CC2D2A: variants seen among roughly 807,000 people sequenced by gnomAD.
CC2D2A encodes the protein coiled-coil and C2 domain-containing protein 2A.
CC2D2A carries 155 observed loss-of-function variants against 212.9 expected under a neutral mutation model. That is an observed-to-expected ratio of 0.73 (90% CI 0.64 to 0.83). The LOEUF (loss-of-function observed/expected upper bound fraction) is 0.83. Ranked by LOEUF, CC2D2A falls within the 40% of genes least tolerant of loss-of-function variation. The pLI is 0.00. For missense variants in CC2D2A, 1,856 were observed against 1,956.2 expected, an observed-to-expected ratio of 0.95 and a Z score of 0.97; for synonymous variants, 667 against 686.5, an observed-to-expected ratio of 0.97 and a Z score of 0.44.
At chr4:15,534,761 G>GA (rs540788648) in intron 14 of CC2D2A, among the ~76,000 whole-genome samples, 8 of 150,060 alleles carry the variant, frequency 5.3e-5, no homozygotes, top group South Asian at 2.1e-4. Flanking sequence ...AAAATTGAAA[G>GA]AAAAAAAAAG....
intron 32 of CC2D2A, among the ~76,000 whole-genome samples, chr4:15,589,084 TACATA>T (rs1720976682): frequency 6.6e-6 from 1 of 151,942 alleles, no homozygotes; most frequent in Admixed American, 6.5e-5. Context: ...AACTGTTTGG[TACATA>T]TCCTTCCAAA....
intron 8 of CC2D2A, among the ~76,000 whole-genome samples, chr4:15,514,095 T>C (rs1193499361): frequency 1.3e-5 from 2 of 152,242 alleles, no homozygotes; most frequent in African/African-American, 4.8e-5. Context: ...CATTTGTGAT[T>C]ATAGCCTCTT....
At position 15,514,720 on chromosome 4, in the gene CC2D2A, T is replaced by G. The variant is rs974146803; in HGVS notation, c.731T>G (p.Leu244Arg). 9 of 1,548,566 alleles carry G rather than the reference T, an allele frequency of 5.8e-6. No individual in the cohort carries two copies. The East Asian group carries it at 2.1e-4, about 36-fold the overall frequency. The change falls in exon 9 of 37, where the codon CTG becomes CGG. Residue 244 changes from leucine to arginine, a missense_variant. Transcript: ENST00000424120. Reference protein sequence around the residue: ...GGGKEMDEEELLNGDDAEDFL... With the variant: ...GGGKEMDEEERLNGDDAEDFL... ...AACATTATGCAGGATGAGGAAGAAC[T>G]GCTTAATGGTGATGATGCCGAGGAC...
chr4:15,473,601 G>A (rs1470963951), intron 1 of CC2D2A, among the ~76,000 whole-genome samples: 1 of 152,164 alleles, frequency 6.6e-6, no homozygotes, highest in Admixed American at 6.5e-5. Context: ...GAAGCAATGT[G>A]ATTATGTCAC....
Position 15,489,364 on chromosome 4 carries a change from G to A in CC2D2A, c.247+8537G>A, listed in dbSNP as rs956907576. On this transcript the variant is annotated intron_variant, in intron 4 of 36. Transcript: ENST00000424120. ...GGGTTACCTTAGTGCCCACCAGCTGGAGAATGGGATGAACATTCTAGTCCA... is the reference window on the plus strand; with the variant it reads ...GGGTTACCTTAGTGCCCACCAGCTGAAGAATGGGATGAACATTCTAGTCCA... Among the ~76,000 whole-genome samples, 5 of 152,236 alleles carry A rather than the reference G, an allele frequency of 3.3e-5. No homozygotes were observed. In the East Asian group the frequency reaches 9.6e-4, roughly 29 times the overall value.
At chr4:15,547,599 AG>A (rs1177594946) in intron 17 of CC2D2A, among the ~76,000 whole-genome samples, 6 of 152,226 alleles carry the variant, frequency 3.9e-5, no homozygotes, top group Non-Finnish European at 8.8e-5. Context: ...ACCACAACAA[AG>A]AATTACTTGG....
intron 2 of CC2D2A, among the ~76,000 whole-genome samples, chr4:15,477,130 C>T (rs577301492): frequency 6.6e-6 from 1 of 152,122 alleles, no homozygotes; most frequent in South Asian, 2.1e-4. Flanking sequence ...TGGAGAAACC[C>T]CATCTCTACT....
intron 11 of CC2D2A, among the ~76,000 whole-genome samples, chr4:15,526,887 T>C (rs1266346557): frequency 6.6e-6 from 1 of 152,166 alleles, no homozygotes; most frequent in Non-Finnish European, 1.5e-5. Flanking sequence ...CACACTTGGC[T>C]CAGCTGCACA....
At chr4:15,593,006 C>T (rs1209399188) in intron 33 of CC2D2A, among the ~76,000 whole-genome samples, 1 of 152,202 alleles carries the variant, frequency 6.6e-6, no homozygotes, top group Non-Finnish European at 1.5e-5. Flanking sequence ...CATACAGATG[C>T]TATCTCTGCT....
intron 8 of CC2D2A, among the ~76,000 whole-genome samples, chr4:15,511,903 G>A (rs1716588683): frequency 6.6e-6 from 1 of 152,070 alleles, no homozygotes; most frequent in African/African-American, 2.4e-5. Flanking sequence ...TTTAAAAATG[G>A]GCAAAGGTAT....
rs753631903 is a variant in CC2D2A at position 15,469,891 on chromosome 4, T to A, written c.-185T>A. The A allele has an allele frequency of 6.6e-6, 1 of 151,158 alleles. No homozygotes were observed. Among genetic ancestry groups the A allele is most frequent in the Non-Finnish European group, 1.5e-5 (1 of 67,922 alleles). 9.4% of individuals were successfully genotyped at this position (151,158 alleles called of 1,614,324 possible). On this transcript the variant is annotated 5_prime_UTR_variant, in exon 1 of 37. Coordinates refer to ENST00000424120, the MANE Select transcript of CC2D2A (RefSeq NM_001378615.1). ...TTAGGAACGGGTTGCTAAGCTGGTG[T>A]TTTTGCTCCAAGACATGGCTGCAGC...
chr4:15,547,613 T>C (rs900503676), intron 17 of CC2D2A, among the ~76,000 whole-genome samples: 1 of 152,214 alleles, frequency 6.6e-6, no homozygotes, highest in African/African-American at 2.4e-5. Context: ...TTACTTGGCC[T>C]GAGAACCCTC....
Position 15,479,090 on chromosome 4 carries a change from T to C in CC2D2A, c.123+284T>C, listed in dbSNP as rs529766543. Reference sequence around the variant, plus strand: ...TCCTGAGAGAGGACTCTAGAAAAGATGGAAGGAGCCTGTTTTAGTGCTTCA... The same window carrying C: ...TCCTGAGAGAGGACTCTAGAAAAGACGGAAGGAGCCTGTTTTAGTGCTTCA... On this transcript the variant is annotated intron_variant, in intron 3 of 36. Coordinates refer to ENST00000424120, the MANE Select transcript of CC2D2A (RefSeq NM_001378615.1). 20 of 738,430 alleles carry C rather than the reference T, an allele frequency of 2.7e-5. No homozygotes were observed. The Admixed American group carries it at 3.9e-4, about 14-fold the overall frequency. The allele number at this position is 738,430 out of a possible 1,614,324, so 45.7% of individuals were successfully genotyped here. A position where few individuals can be genotyped will look rare whatever the true frequency, so the allele number is the denominator to read the frequency against.
intron 16 of CC2D2A, 77 bp downstream of exon 16, chr4:15,538,214 C>T: frequency 2.1e-6 from 3 of 1,408,624 alleles, no homozygotes; most frequent in Non-Finnish European, 9.5e-7. Context: ...CACACACATG[C>T]ACGACATGGG....
intron 6 of CC2D2A, among the ~76,000 whole-genome samples, chr4:15,509,025 C>T (rs1282959187): frequency 1.3e-5 from 2 of 152,052 alleles, no homozygotes; most frequent in East Asian, 3.9e-4. Context: ...GAAACAGCAC[C>T]TTGCAGATTA....
chr4:15,591,470 C>T (rs1050117786), intron 33 of CC2D2A, among the ~76,000 whole-genome samples: 3 of 151,612 alleles, frequency 2.0e-5, no homozygotes, highest in African/African-American at 7.3e-5. Flanking sequence ...CTGCCCGCCT[C>T]AGCCTCCCAA....
Position 15,567,660 on chromosome 4 carries a change from T to A in CC2D2A, c.3289-17T>A. 1 of 1,560,200 alleles carries A rather than the reference T, an allele frequency of 6.4e-7. No individual in the cohort carries two copies. The highest frequency in any genetic ancestry group is 8.7e-7 in the Non-Finnish European group (1 of 1,150,068). ...TGACTAACCATTGGGAACTCAGAAT[T>A]TGCTCTTGATTTTAAGGTTTTAGTA... is the stretch of plus-strand genomic sequence containing the variant. On this transcript the variant is annotated splice_polypyrimidine_tract_variant and intron_variant, in intron 25 of 36. Transcript: ENST00000424120.
At chr4:15,570,904 AAAAC>A (rs1467372361) in intron 28 of CC2D2A, among the ~76,000 whole-genome samples, 3 of 152,122 alleles carry the variant, frequency 2.0e-5, no homozygotes, top group African/African-American at 2.4e-5. Flanking sequence ...AACAAAAACA[AAAAC>A]AAACAAAAAA....
intron 6 of CC2D2A, among the ~76,000 whole-genome samples, chr4:15,507,016 TGTA>T (rs1716299503): frequency 6.6e-6 from 1 of 150,466 alleles, no homozygotes; most frequent in African/African-American, 2.5e-5. Flanking sequence ...AGGCAGAGGT[TGTA>T]GTGAGCTGAG....
Sources: gnomAD v4.1 joint callset for allele counts (sites outside exome capture counted in the v4.1 genomes callset) on GRCh38, gnomAD v4.1.1 for gene constraint, MANE v1.5 for transcripts, NCBI Gene and HGNC (gene_info 2026-07-23, HGNC 2026-07-21) for gene names.